Variants in IPCEF1 observed in about 807,000 individuals in gnomAD.
The protein encoded by IPCEF1 is interactor protein for cytohesin exchange factors 1.
IPCEF1 carries 31 observed loss-of-function variants against 50.9 expected under a neutral mutation model. The ratio of observed to expected loss-of-function variants is 0.61; its 90% CI spans 0.46 to 0.82. The LOEUF is 0.82. Ranked by LOEUF, IPCEF1 falls within the 40% of genes least tolerant of loss-of-function variation. IPCEF1 has a pLI of 0.00. For missense variants in IPCEF1, 458 were observed against 514.0 expected, an observed-to-expected ratio of 0.89 and a Z score of 1.05; for synonymous variants, 181 against 192.0, an observed-to-expected ratio of 0.94 and a Z score of 0.47.
chr6:154,322,462 C>T (rs1783408542), intron 1 of IPCEF1, among the ~76,000 whole-genome samples: 1 of 152,082 alleles, frequency 6.6e-6, no homozygotes, highest in South Asian at 2.1e-4. Context: ...TATCATCGTA[C>T]TGGCAGCATT....
At chr6:154,340,900 AAT>A (rs1207495866) in intron 1 of IPCEF1, among the ~76,000 whole-genome samples, 1 of 121,826 alleles carries the variant, frequency 8.2e-6, no homozygotes, top group African/African-American at 3.0e-5. Context: ...AAAAAAAAGA[AAT>A]ATATATATGT....
intron 2 of IPCEF1, among the ~76,000 whole-genome samples, chr6:154,271,088 G>C (rs1485338040): frequency 6.6e-6 from 1 of 152,152 alleles, no homozygotes; most frequent in East Asian, 1.9e-4. Flanking sequence ...ACTTGGCACA[G>C]TGGCTCACAC....
At position 154,313,067 on chromosome 6, in the gene IPCEF1, CAAA is replaced by C. The variant is rs71021040; in HGVS notation, c.-61-23314_-61-23312del. Among the ~76,000 whole-genome samples, 7 of 59,038 alleles carry C rather than the reference CAAA, an allele frequency of 1.2e-4. 1 individual carries two copies. The highest frequency in any genetic ancestry group is 1.0e-3 in the South Asian group (1 of 1,000). The allele number at this position is 59,038 out of a possible 152,430, so 38.7% of individuals were successfully genotyped here. On this transcript the variant is annotated intron_variant, in intron 1 of 11. Transcript: ENST00000367220. ...CACTGCAGGCTGTGAGGCCCTGTCT[CAAA>C]AAAAAAAAAAAAAAAACATGGCCGG...
At chr6:154,335,770 T>A (rs955369815) in intron 1 of IPCEF1, among the ~76,000 whole-genome samples, 19 of 152,140 alleles carry the variant, frequency 1.2e-4, no homozygotes, top group African/African-American at 4.1e-4. Flanking sequence ...ATATTCAGAA[T>A]AACAAGGAAC....
At chr6:154,313,860 C>G (rs190413603) in intron 1 of IPCEF1, among the ~76,000 whole-genome samples, 83 of 152,262 alleles carry the variant, frequency 5.5e-4, no homozygotes, top group Admixed American at 3.7e-3. Flanking sequence ...CCTCCCTTCT[C>G]AGCCTCCCAA....
chr6:154,346,957 T>G (rs2128700468), intron 1 of IPCEF1, among the ~76,000 whole-genome samples: 2 of 152,312 alleles, frequency 1.3e-5, no homozygotes, highest in African/African-American at 4.8e-5. Context: ...TTTCTTCCCC[T>G]TTTCAATCTA....
intron 3 of IPCEF1, among the ~76,000 whole-genome samples, chr6:154,248,436 T>C (rs992522525): frequency 1.3e-5 from 2 of 152,072 alleles, no homozygotes; most frequent in Non-Finnish European, 2.9e-5. Context: ...GACAACCTTT[T>C]CCGTTAACAG....
At chr6:154,349,827 A>G (rs1784092848) in intron 1 of IPCEF1, among the ~76,000 whole-genome samples, 1 of 152,216 alleles carries the variant, frequency 6.6e-6, no homozygotes. Context: ...AGTCTAAAGA[A>G]AATTAAATAT....
At chr6:154,235,915 T>C (rs1780094403) in intron 5 of IPCEF1, among the ~76,000 whole-genome samples, 1 of 152,180 alleles carries the variant, frequency 6.6e-6, no homozygotes, top group South Asian at 2.1e-4. Context: ...CTGTTGAGGA[T>C]GTAGAGAAAA....
chr6:154,331,435 A>G (rs1007117553), intron 1 of IPCEF1, among the ~76,000 whole-genome samples: 5 of 144,226 alleles, frequency 3.5e-5, no homozygotes, highest in East Asian at 4.1e-4. Context: ...GAGAGAGAGA[A>G]AGAAAGAGAA....
intron 1 of IPCEF1, among the ~76,000 whole-genome samples, chr6:154,309,313 C>A (rs1783014104): frequency 6.6e-6 from 1 of 152,070 alleles, no homozygotes; most frequent in Non-Finnish European, 1.5e-5. Context: ...AGTATCTGTC[C>A]CCCCACTCTA....
At chr6:154,274,131 T>C (rs1781981571) in intron 2 of IPCEF1, among the ~76,000 whole-genome samples, 1 of 152,026 alleles carries the variant, frequency 6.6e-6, no homozygotes, top group Non-Finnish European at 1.5e-5. Context: ...AATATTCTCA[T>C]TCTTTCTCTT....
chr6:154,314,370 T>C, intron 1 of IPCEF1, among the ~76,000 whole-genome samples: 1 of 152,120 alleles, frequency 6.6e-6, no homozygotes, highest in Admixed American at 6.6e-5. Context: ...GAAAGATTAA[T>C]GACATAATCA....
chr6:154,196,999 T>G (rs1024943857), intron 10 of IPCEF1, among the ~76,000 whole-genome samples: 3 of 152,224 alleles, frequency 2.0e-5, no homozygotes, highest in African/African-American at 7.2e-5. Context: ...ATGTACTGTC[T>G]GCTTGTTTCA....
chr6:154,214,649 CTCTTAATAATG>C (rs768490176), intron 7 of IPCEF1, among the ~76,000 whole-genome samples: 1 of 152,112 alleles, frequency 6.6e-6, no homozygotes, highest in Non-Finnish European at 1.5e-5. Flanking sequence ...TTAGGTGTTA[CTCTTAATAATG>C]TCTTAATAAT....
At chr6:154,327,399 GACAAAGA>G (rs2128691045) in intron 1 of IPCEF1, among the ~76,000 whole-genome samples, 1 of 152,212 alleles carries the variant, frequency 6.6e-6, no homozygotes, top group South Asian at 2.1e-4. Flanking sequence ...TTAAAAAGTA[GACAAAGA>G]ACATGAATAA....
intron 1 of IPCEF1, among the ~76,000 whole-genome samples, chr6:154,345,536 T>G (rs1383684613): frequency 6.6e-6 from 1 of 152,226 alleles, no homozygotes; most frequent in African/African-American, 2.4e-5. Context: ...AAAAGAGAGC[T>G]GCTGCCACCT....
chr6:154,200,015 G>A lies in IPCEF1; in HGVS notation c.563C>T (p.Ser188Leu). Residue 188 changes from serine to leucine, a missense_variant, in exon 10 of 12, where the codon TCA becomes TTA. Coordinates refer to ENST00000367220, the MANE Select transcript of IPCEF1 (RefSeq NM_001130700.2). ...SLTAQQASSS[S>L]PSLSGTSYSF... ...ATACGACGTTCCACTCAGGCTGGGT[G>A]AGGATGAAGATGCCTGCTGTGCAGT... 6.2e-7 allele frequency: 1 copy of A among 1,613,610 alleles called. No individual in the cohort carries two copies. Among genetic ancestry groups the A allele is most frequent in the Non-Finnish European group, 8.5e-7 (1 of 1,179,690 alleles).
chr6:154,348,159 A>T (rs893363684), intron 1 of IPCEF1, among the ~76,000 whole-genome samples: 1 of 152,176 alleles, frequency 6.6e-6, no homozygotes, highest in East Asian at 1.9e-4. Flanking sequence ...TAACTTTGGA[A>T]TGTTTGTGAG....
Sources: allele counts gnomAD v4.1 joint callset (sites outside exome capture counted in the v4.1 genomes callset), GRCh38; gene constraint gnomAD v4.1.1; transcripts MANE v1.5; gene names NCBI Gene and HGNC (gene_info 2026-07-23, HGNC 2026-07-21).